BRINP3: variants seen among roughly 807,000 people sequenced by gnomAD.
BRINP3 encodes the protein BMP/retinoic acid inducible neural specific 3.
A neutral mutation model predicts 71.0 loss-of-function variants in BRINP3; 19 were observed. That is an observed-to-expected ratio of 0.27 (90% confidence interval 0.19 to 0.39). The LOEUF (loss-of-function observed/expected upper bound fraction) is 0.39. Ranked by LOEUF, BRINP3 falls within the 10% of genes least tolerant of loss-of-function variation. The pLI is 1.00. For synonymous variants in BRINP3, 380 were observed against 337.7 expected (o/e 1.13, Z -1.37); for missense variants, 959 against 940.8 (o/e 1.02, Z -0.25).
chr1:190,276,170 G>C (rs1275793967), intron 3 of BRINP3, among the ~76,000 whole-genome samples: 1 of 151,458 alleles, frequency 6.6e-6, no homozygotes, highest in African/African-American at 2.4e-5. Context: ...CTGAGAGAAA[G>C]TAATTCTATG....
At chr1:190,405,222 C>A (rs540153555) in intron 2 of BRINP3, among the ~76,000 whole-genome samples, 3 of 151,790 alleles carry the variant, frequency 2.0e-5, no homozygotes, top group African/African-American at 4.8e-5. Flanking sequence ...GAGGCCGAGG[C>A]GGGCGGATCA....
At chr1:190,145,591 C>A (rs186836229) in intron 7 of BRINP3, among the ~76,000 whole-genome samples, 120 of 152,190 alleles carry the variant, frequency 7.9e-4, no homozygotes, top group African/African-American at 2.3e-3. Context: ...TAAATTAGTA[C>A]AACCACTGTG....
intron 2 of BRINP3, among the ~76,000 whole-genome samples, chr1:190,346,884 A>G (rs956453536): frequency 6.6e-6 from 1 of 152,108 alleles, no homozygotes; most frequent in Non-Finnish European, 1.5e-5. Flanking sequence ...GAAATAGTGA[A>G]TACCTTAAGG....
At chr1:190,193,925 C>G (rs771133792) in intron 6 of BRINP3, among the ~76,000 whole-genome samples, 1 of 152,068 alleles carries the variant, frequency 6.6e-6, no homozygotes, top group Non-Finnish European at 1.5e-5. Context: ...CCTAATAACA[C>G]TAACCAACTT....
intron 2 of BRINP3, among the ~76,000 whole-genome samples, chr1:190,425,999 T>C (rs1673678405): frequency 6.6e-6 from 1 of 151,782 alleles, no homozygotes; most frequent in South Asian, 2.1e-4. Flanking sequence ...ACAATGTCAG[T>C]ATTGCAAAAA....
chr1:190,279,467 T>C (rs192664113), intron 3 of BRINP3, among the ~76,000 whole-genome samples: 55 of 152,014 alleles, frequency 3.6e-4, no homozygotes, highest in Non-Finnish European at 1.2e-4. Context: ...TAATAGATTT[T>C]AAAGTCTCAC....
At chr1:190,350,921 G>A (rs1028132009) in intron 2 of BRINP3, among the ~76,000 whole-genome samples, 1 of 150,288 alleles carries the variant, frequency 6.7e-6, no homozygotes, top group African/African-American at 2.5e-5. Flanking sequence ...CTCCCATGTT[G>A]AAGCGGTTCT....
In BRINP3 at chr1:190,097,941, T is replaced by A; in HGVS notation, c.*77A>T. The A allele has an allele frequency of 7.0e-7, 1 of 1,424,054 alleles. No homozygotes were observed. Among genetic ancestry groups the A allele is most frequent in the Non-Finnish European group, 9.5e-7 (1 of 1,055,146 alleles). 88.2% of individuals were successfully genotyped at this position (1,424,054 alleles called of 1,614,324 possible). A position where few individuals can be genotyped will look rare whatever the true frequency, so the allele number is the denominator to read the frequency against. The stretch of plus-strand genomic sequence containing the variant: ...TATTGAAAAGACAATTTAAATTTAC[T>A]CTTCCAAACATAAACTGTTCCACAA... On this transcript the variant is annotated 3_prime_UTR_variant, in exon 8 of 8. Transcript: ENST00000367462.
intron 7 of BRINP3, among the ~76,000 whole-genome samples, chr1:190,148,808 C>A (rs1168935485): frequency 2.6e-5 from 4 of 151,928 alleles, no homozygotes; most frequent in Non-Finnish European, 5.9e-5. Flanking sequence ...TTTTTCCATT[C>A]TATTACTTAA....
chr1:190,358,231 G>T (rs1422216066), intron 2 of BRINP3, among the ~76,000 whole-genome samples: 1 of 152,082 alleles, frequency 6.6e-6, no homozygotes, highest in African/African-American at 2.4e-5. Context: ...GCAACCTACT[G>T]AATGGGAGAA....
At chr1:190,251,278 T>C (rs1025509313) in intron 4 of BRINP3, among the ~76,000 whole-genome samples, 3 of 151,982 alleles carry the variant, frequency 2.0e-5, no homozygotes, top group East Asian at 1.9e-4. Context: ...AAAAATAACA[T>C]TTATAAAGCA....
intron 4 of BRINP3, among the ~76,000 whole-genome samples, chr1:190,237,645 G>A (rs1658653419): frequency 6.6e-6 from 1 of 151,968 alleles, no homozygotes; most frequent in South Asian, 2.1e-4. Context: ...GAGACTAGGA[G>A]TAATTGCACT....
At position 190,264,964 on chromosome 1, in the gene BRINP3, A is replaced by T; in HGVS notation, c.519T>A (p.Thr173=). The T allele has an allele frequency of 6.2e-7, 1 of 1,612,890 alleles. No homozygotes were observed. Among genetic ancestry groups the T allele is most frequent in the Non-Finnish European group, 8.5e-7 (1 of 1,179,554 alleles). The change falls in exon 4 of 8, where the codon ACT becomes ACA. Residue 173 remains threonine (T), a synonymous_variant. Coordinates refer to ENST00000367462, the MANE Select transcript of BRINP3 (RefSeq NM_199051.3). ...CGGCTAGCTGATGTAGCGTCTCCAG[A>T]GTGACCGAAGAGCTATTGGTGGTGG... ...SDSTTNSSSV[T]LETLHQLAAS... is the part of the protein sequence containing the mutation.
At chr1:190,335,893 C>A (rs1420385158) in intron 2 of BRINP3, among the ~76,000 whole-genome samples, 1 of 151,858 alleles carries the variant, frequency 6.6e-6, no homozygotes, top group African/African-American at 2.4e-5. Context: ...TATTATAAAA[C>A]CTTTTCTTCC....
intron 7 of BRINP3, among the ~76,000 whole-genome samples, chr1:190,127,203 G>T (rs1314516288): frequency 3.3e-5 from 5 of 151,544 alleles, no homozygotes; most frequent in African/African-American, 1.2e-4. Context: ...CTGAACTAAA[G>T]AGATGATTAT....
intron 2 of BRINP3, among the ~76,000 whole-genome samples, chr1:190,415,046 T>C (rs1278902750): frequency 1.3e-5 from 2 of 152,224 alleles, no homozygotes; most frequent in Admixed American, 1.3e-4. Context: ...TTGATTTATA[T>C]ACATAAATTG....
chr1:190,354,779 T>G (rs1668623399), intron 2 of BRINP3, among the ~76,000 whole-genome samples: 2 of 151,698 alleles, frequency 1.3e-5, no homozygotes, highest in Non-Finnish European at 2.9e-5. Flanking sequence ...GTGTTTTTTT[T>G]TTTTTTTCCT....
chr1:190,286,854 A>G (rs566978684), intron 2 of BRINP3, among the ~76,000 whole-genome samples: 12 of 152,148 alleles, frequency 7.9e-5, no homozygotes, highest in Non-Finnish European at 8.8e-5. Flanking sequence ...ATCTTAAGAA[A>G]TGGCACTAAT....
At chr1:190,279,989 C>G (rs1016878858) in intron 3 of BRINP3, among the ~76,000 whole-genome samples, 2 of 151,700 alleles carry the variant, frequency 1.3e-5, no homozygotes, top group Non-Finnish European at 2.9e-5. Flanking sequence ...GCAATTATAG[C>G]CATGGGGATG....
Sources: gnomAD v4.1 joint callset for allele counts (sites outside exome capture counted in the v4.1 genomes callset) on GRCh38, gnomAD v4.1.1 for gene constraint, MANE v1.5 for transcripts, NCBI Gene and HGNC (gene_info 2026-07-23, HGNC 2026-07-21) for gene names.